SYNE1: variants seen among roughly 807,000 people sequenced by gnomAD.
SYNE1 encodes nesprin-1.
A neutral mutation model predicts 1,111.0 loss-of-function variants in SYNE1; 616 were observed. The ratio of observed to expected loss-of-function variants is 0.55; its 90% CI spans 0.52 to 0.59. The LOEUF is 0.59. Among genes scored for constraint, SYNE1 ranks in the 20% least tolerant of loss-of-function variants. The pLI, the probability that SYNE1 is intolerant of heterozygous loss-of-function variation, is 0.00. For synonymous variants in SYNE1, 3,855 were observed against 3,825.8 expected (o/e 1.01, Z -0.28); for missense variants, 10,006 against 10,417.0 (o/e 0.96, Z 1.72).
At chr6:152,313,501 T>C (rs991540870) in intron 87 of SYNE1, among the ~76,000 whole-genome samples, 1 of 150,214 alleles carries the variant, frequency 6.7e-6, no homozygotes, top group Non-Finnish European at 1.5e-5. Flanking sequence ...TCTTGCTCTG[T>C]GGCCAGGCTG....
chr6:152,169,658 T>C (rs752826728), intron 130 of SYNE1, among the ~76,000 whole-genome samples: 57 of 142,716 alleles, frequency 4.0e-4, no homozygotes, highest in Non-Finnish European at 8.1e-4. Context: ...ATCAAAAGAT[T>C]ATCCAGGCAC....
At chr6:152,527,026 T>C (rs2099166796) in intron 4 of SYNE1, among the ~76,000 whole-genome samples, 1 of 152,198 alleles carries the variant, frequency 6.6e-6, no homozygotes, top group African/African-American at 2.4e-5. Context: ...AGGGGAGGTG[T>C]TCACTGATTT....
chr6:152,154,009 A>C (rs948542407), intron 133 of SYNE1, among the ~76,000 whole-genome samples: 1 of 152,188 alleles, frequency 6.6e-6, no homozygotes, highest in Non-Finnish European at 1.5e-5. Context: ...TTTCAGTCTT[A>C]TTTCTAAACA....
chr6:152,156,932 A>C (rs970610301), intron 131 of SYNE1, among the ~76,000 whole-genome samples: 10 of 151,776 alleles, frequency 6.6e-5, no homozygotes, highest in African/African-American at 9.7e-5. Flanking sequence ...AGTTCAAGTG[A>C]TTTTCCTGCC....
At chr6:152,396,675 A>G (rs531269536) in intron 50 of SYNE1, 100 bp downstream of exon 50, 1 of 1,098,702 alleles carries the variant, frequency 9.1e-7, no homozygotes, top group Non-Finnish European at 1.4e-6. Context: ...TTAAACTCAC[A>G]GTGTCAAACG....
chr6:152,409,327 C>A (rs1405554509), intron 43 of SYNE1, 101 bp from the exon 44 acceptor site: 8 of 1,251,520 alleles, frequency 6.4e-6, no homozygotes. Context: ...TGACCTTATG[C>A]AGAAATTAGT....
intron 137 of SYNE1, chr6:152,146,646 G>A (rs1226285577): frequency 6.6e-6 from 1 of 152,218 alleles, no homozygotes; most frequent in Non-Finnish European, 1.5e-5. Context: ...GGAATCTGAT[G>A]TGAACCACCA....
chr6:152,472,554 C>G (rs1193448535), intron 14 of SYNE1, 141 bp from the exon 15 acceptor site: 1 of 769,078 alleles, frequency 1.3e-6, no homozygotes, highest in East Asian at 2.7e-5. Flanking sequence ...AGCTTGGTGC[C>G]TGTCAAAGGC....
chr6:152,476,898 A>G (rs2098838334), intron 14 of SYNE1, among the ~76,000 whole-genome samples: 1 of 152,040 alleles, frequency 6.6e-6, no homozygotes, highest in Admixed American at 6.6e-5. Context: ...AAAAGAAAGA[A>G]ATAAAATGGA....
intron 46 of SYNE1, among the ~76,000 whole-genome samples, chr6:152,402,854 G>A (rs1055221496): frequency 6.6e-6 from 1 of 152,120 alleles, no homozygotes; most frequent in Non-Finnish European, 1.5e-5. Context: ...GCTCAACTCT[G>A]TAAAAGTCCA....
intron 59 of SYNE1, among the ~76,000 whole-genome samples, chr6:152,369,845 T>C (rs1056313483): frequency 6.6e-6 from 1 of 151,820 alleles, no homozygotes; most frequent in Non-Finnish European, 1.5e-5. Context: ...TAGCCAGCCA[T>C]GGTGGGATGT....
At chr6:152,601,845 T>G (rs577004241) in intron 3 of SYNE1, among the ~76,000 whole-genome samples, 13 of 152,252 alleles carry the variant, frequency 8.5e-5, no homozygotes, top group Admixed American at 8.5e-4. Context: ...CATTACTGAT[T>G]CCATATACTC....
chr6:152,607,945 A>C lies in SYNE1; in HGVS notation c.67+20320T>G, dbSNP rs145774878. Among the ~76,000 whole-genome samples, 1,423 of 152,200 alleles carry C rather than the reference A, an allele frequency of 9.3e-3. 24 individuals are homozygous for C. Among genetic ancestry groups the C allele is most frequent in the African/African-American group, 0.032 (1,320 of 41,520 alleles). ...AACTAACACAGGAACAGAAAACCAA[A>C]CACTGCCTGTTGTCACTCATAAGTG... On this transcript the variant is annotated intron_variant, in intron 3 of 145. Coordinates refer to ENST00000367255, the MANE Select transcript of SYNE1 (RefSeq NM_182961.4).
chr6:152,248,447 C>T (rs951266053), intron 105 of SYNE1, among the ~76,000 whole-genome samples: 4 of 123,376 alleles, frequency 3.2e-5, no homozygotes, highest in African/African-American at 6.6e-5. Context: ...TACACTTATG[C>T]TGCATATTTA....
intron 44 of SYNE1, among the ~76,000 whole-genome samples, chr6:152,408,614 A>C (rs994580316): frequency 6.6e-6 from 1 of 152,180 alleles, no homozygotes; most frequent in Admixed American, 6.5e-5. Flanking sequence ...TTATGTGAGC[A>C]CGGTTTTTCC....
At chr6:152,164,647 C>A (rs1359871239) in intron 130 of SYNE1, among the ~76,000 whole-genome samples, 4 of 152,192 alleles carry the variant, frequency 2.6e-5, no homozygotes, top group African/African-American at 9.7e-5. Flanking sequence ...AACTCCATTA[C>A]TACCTACTTA....
intron 38 of SYNE1, among the ~76,000 whole-genome samples, chr6:152,426,303 G>A (rs532015792): frequency 1.2e-4 from 18 of 152,370 alleles, no homozygotes; most frequent in African/African-American, 4.3e-4. Flanking sequence ...GGTGATACAA[G>A]CAAGATTGCT....
chr6:152,573,435 G>T (rs879561654), intron 3 of SYNE1, among the ~76,000 whole-genome samples: 4 of 149,308 alleles, frequency 2.7e-5, no homozygotes, highest in African/African-American at 5.0e-5. Context: ...TGCGGTGTTT[G>T]GTTTTTTGTC....
intron 69 of SYNE1, 58 bp from the exon 70 acceptor site, chr6:152,352,411 T>TC (rs2096757495): frequency 3.0e-5 from 46 of 1,551,034 alleles, no homozygotes; most frequent in Non-Finnish European, 3.8e-5. Context: ...TTTCTTTCTT[T>TC]TTTTTTTTTG....
Sources: allele counts gnomAD v4.1 joint callset (sites outside exome capture counted in the v4.1 genomes callset), GRCh38; gene constraint gnomAD v4.1.1; transcripts MANE v1.5; gene names NCBI Gene and HGNC (gene_info 2026-07-23, HGNC 2026-07-21).